Variants in CFAP46 observed in about 807,000 individuals in gnomAD.
The protein encoded by CFAP46 is cilia- and flagella-associated protein 46.
CFAP46 carries 245 observed loss-of-function variants against 325.7 expected under a neutral mutation model. The observed-to-expected ratio is 0.75, with a 90% CI of 0.68 to 0.84. The LOEUF (loss-of-function observed/expected upper bound fraction) is 0.84, where lower values mean the gene tolerates loss of function less well. Ranked by LOEUF, CFAP46 falls within the 40% of genes least tolerant of loss-of-function variation. CFAP46 has a pLI of 0.00. For synonymous variants in CFAP46, 1,523 were observed against 1,495.9 expected (o/e 1.02, Z -0.42); for missense variants, 3,346 against 3,543.0 (o/e 0.94, Z 1.41).
chr10:132,927,340 G>A (rs985543794), intron 9 of CFAP46, among the ~76,000 whole-genome samples: 2 of 151,150 alleles, frequency 1.3e-5, no homozygotes, highest in African/African-American at 2.4e-5. Context: ...CCTCCGTCCC[G>A]GGGAGCAGGT....
In CFAP46 at chr10:132,912,787, G is replaced by A; in HGVS notation, c.2367C>T (p.Thr789=). 1 of 1,550,064 alleles carries A rather than the reference G, an allele frequency of 6.5e-7. No individual in the cohort carries two copies. Among genetic ancestry groups the A allele is most frequent in the African/African-American group, 1.4e-5 (1 of 73,182 alleles). ...AGCTGATGATCAGGCCTCGCGCCAA[G>A]GTGTTGCAGAGCGTCACCAGCATCA... The part of the protein sequence containing the change: ...DPVMLVTLCN[T]LARGLIISWI... Residue 789 remains threonine, a synonymous_variant, in exon 19 of 58, where the codon ACC becomes ACT. Coordinates refer to ENST00000368586, the MANE Select transcript of CFAP46 (RefSeq NM_001200049.3).
intron 35 of CFAP46, among the ~76,000 whole-genome samples, chr10:132,864,453 C>T (rs1591061707): frequency 8.2e-6 from 1 of 122,102 alleles, no homozygotes. Context: ...GACCTGCACA[C>T]ACCTGTCCCC....
intron 41 of CFAP46, among the ~76,000 whole-genome samples, chr10:132,848,995 C>T (rs1042708961): frequency 6.6e-6 from 1 of 152,208 alleles, no homozygotes; most frequent in Non-Finnish European, 1.5e-5. Flanking sequence ...TTGATTTAAG[C>T]TTTGATTTCA....
intron 55 of CFAP46, among the ~76,000 whole-genome samples, chr10:132,811,918 C>A (rs1315572482): frequency 6.6e-6 from 1 of 152,204 alleles, no homozygotes; most frequent in African/African-American, 2.4e-5. Flanking sequence ...GGGCCCACAC[C>A]CCTCATGGGG....
Position 132,859,663 on chromosome 10 carries a change from C to A in CFAP46, c.5199-416G>T, listed in dbSNP as rs1848696847. ...GAGAGCACAGGCATGAGGCCGCCGC[C>A]CCGGAGCAGCCACAGCAGGGCCCTG... On this transcript the variant is annotated intron_variant, in intron 37 of 57. Transcript: ENST00000368586. 3.3e-5 allele frequency among the ~76,000 whole-genome samples: 5 copies of A among 152,308 alleles called. No individual in the cohort carries two copies. In the South Asian group the frequency reaches 8.3e-4, roughly 25 times the overall value.
intron 16 of CFAP46, among the ~76,000 whole-genome samples, chr10:132,917,387 C>T (rs192600592): frequency 5.4e-4 from 83 of 152,368 alleles, no homozygotes; most frequent in Middle Eastern, 3.4e-3. Flanking sequence ...AGCTCGGACC[C>T]GAGGTCCCAG....
Position 132,892,393 on chromosome 10 carries a change from GCA to G in CFAP46, c.3242_3243del (p.Leu1081ProfsTer23). ...RKQEKGKTLL[L>X]HQWPTADFQG... ...TGGAAGTCGGCCGTGGGCCACTGGT[GCA>G]GAAGCAGCGTCTTTCCTTTCTCCTA... On this transcript the variant is annotated frameshift_variant, in exon 25 of 58. Coordinates refer to ENST00000368586, the MANE Select transcript of CFAP46 (RefSeq NM_001200049.3). LOFTEE classifies it high-confidence loss of function. The G allele has an allele frequency of 6.4e-7, 1 of 1,550,910 alleles. No homozygotes were observed. The highest frequency in any genetic ancestry group is 2.0e-5 in the Admixed American group (1 of 51,018).
intron 1 of CFAP46, 145 bp downstream of exon 1, chr10:132,942,291 G>A: frequency 2.1e-6 from 2 of 930,882 alleles, no homozygotes; most frequent in South Asian, 1.9e-5. Flanking sequence ...TCAGACGATC[G>A]GGAGGTGGGG....
At position 132,889,551 on chromosome 10, in the gene CFAP46, C is replaced by T. The variant is rs993320683; in HGVS notation, c.3304+2782G>A. On this transcript the variant is annotated intron_variant, in intron 25 of 57. Transcript: ENST00000368586. The surrounding 1 kb of genome is among the most constrained non-coding windows in gnomAD (Gnocchi z 6.0). ...GGGTCCAATGAACTTGGAAACCACA[C>T]ATAGGGTCGCAGGGAGTCCTCTTCA... 6.6e-6 allele frequency among the ~76,000 whole-genome samples: 1 copy of T among 152,212 alleles called. No homozygotes were observed. Among genetic ancestry groups the T allele is most frequent in the South Asian group, 2.1e-4 (1 of 4,832 alleles).
At chr10:132,824,697 C>T (rs1416278868) in intron 50 of CFAP46, among the ~76,000 whole-genome samples, 38 of 29,384 alleles carry the variant, frequency 1.3e-3, no homozygotes, top group South Asian at 2.4e-3. Context: ...GCTGTGTGTG[C>T]GCTGATGTGT....
intron 32 of CFAP46, 135 bp downstream of exon 32, chr10:132,872,541 T>C: frequency 1.9e-6 from 2 of 1,080,056 alleles, no homozygotes; most frequent in South Asian, 2.8e-5. Context: ...TATTCAAATA[T>C]TTTTATTTAC....
intron 8 of CFAP46, among the ~76,000 whole-genome samples, chr10:132,932,590 G>GCGGCTTCCTCCTCCT (rs1439495131): frequency 6.8e-6 from 1 of 148,054 alleles, no homozygotes; most frequent in Admixed American, 6.7e-5. Context: ...CATAGATCCT[G>GCGGCTTCCTCCTCCT]CAGCTTCCTC....
At chr10:132,910,339 C>T (rs761175165) in intron 19 of CFAP46, among the ~76,000 whole-genome samples, 8 of 152,306 alleles carry the variant, frequency 5.3e-5, no homozygotes, top group East Asian at 3.9e-4. Flanking sequence ...CCTGGGACCC[C>T]GCAGGAAGGA....
intron 22 of CFAP46, among the ~76,000 whole-genome samples, chr10:132,905,319 G>A (rs372580082): frequency 2.2e-4 from 33 of 152,138 alleles, no homozygotes; most frequent in East Asian, 1.4e-3. Context: ...CTGTCTCCCC[G>A]CCCTCCCCAG....
chr10:132,859,592 C>G (rs535377775), intron 37 of CFAP46, among the ~76,000 whole-genome samples: 21 of 152,214 alleles, frequency 1.4e-4, no homozygotes, highest in African/African-American at 4.8e-4. Context: ...TTGGGCTGTT[C>G]ACACGCTGCA....
At chr10:132,823,424 T>C (rs1489429026) in intron 50 of CFAP46, among the ~76,000 whole-genome samples, 36 of 128,692 alleles carry the variant, frequency 2.8e-4, no homozygotes, top group South Asian at 9.1e-4. Context: ...GCTGTGTGAG[T>C]GCTGATGTGT....
chr10:132,931,497 A>G (rs1293234638), intron 8 of CFAP46, among the ~76,000 whole-genome samples: 2 of 140,656 alleles, frequency 1.4e-5, no homozygotes, highest in African/African-American at 5.4e-5. Flanking sequence ...CTCTCTACAC[A>G]GAGCCTGGGC....
intron 44 of CFAP46, among the ~76,000 whole-genome samples, chr10:132,842,616 T>C (rs954280305): frequency 2.0e-5 from 3 of 152,234 alleles, no homozygotes; most frequent in African/African-American, 7.2e-5. Flanking sequence ...ACCCCACTCC[T>C]GGTACCAATT....
At chr10:132,815,175 C>A (rs1239309226) in intron 50 of CFAP46, among the ~76,000 whole-genome samples, 35 of 152,204 alleles carry the variant, frequency 2.3e-4, no homozygotes, top group Admixed American at 2.3e-3. Context: ...CATTCACCCA[C>A]CCCACTGGGT....
Sources: allele counts gnomAD v4.1 joint callset (sites outside exome capture counted in the v4.1 genomes callset), GRCh38; gene constraint gnomAD v4.1.1; non-coding constraint Gnocchi (gnomAD v3.1); transcripts MANE v1.5; gene names NCBI Gene and HGNC (gene_info 2026-07-23, HGNC 2026-07-21).